Variants in DCTN5 observed in about 807,000 individuals in gnomAD.
DCTN5 encodes the protein dynactin subunit 5.
DCTN5 carries 14 observed loss-of-function variants against 23.5 expected under a neutral mutation model. The ratio of observed to expected loss-of-function variants is 0.60; its 90% confidence interval spans 0.39 to 0.93. DCTN5 has a LOEUF of 0.93. Among genes scored for constraint, DCTN5 ranks in the 40% least tolerant of loss-of-function variants. The probability of loss-of-function intolerance (pLI) is 0.00; values close to 1 mark genes in which losing one functional copy is unlikely to be tolerated. For missense variants in DCTN5, 156 were observed against 225.9 expected (o/e 0.69, Z 1.98); for synonymous variants, 67 against 79.6 (o/e 0.84, Z 0.84).
At chr16:23,660,739 A>G (rs989334618) in intron 3 of DCTN5, among the ~76,000 whole-genome samples, 1 of 152,196 alleles carries the variant, frequency 6.6e-6, no homozygotes, top group Admixed American at 6.5e-5. Flanking sequence ...CACTCACTGA[A>G]GTCTGTGAAT....
intron 2 of DCTN5, among the ~76,000 whole-genome samples, chr16:23,647,529 G>A (rs1180542608): frequency 6.6e-6 from 1 of 151,338 alleles, no homozygotes; most frequent in Non-Finnish European, 1.5e-5. Context: ...GGGGGAGGGG[G>A]ATGGAGTATT....
At position 23,668,392 on chromosome 16, in the gene DCTN5, A is replaced by T. The variant is rs566527438; in HGVS notation, c.*1248A>T. On this transcript the variant is annotated 3_prime_UTR_variant, in exon 6 of 6. Transcript: ENST00000300087. ...AACTCCTTTCTAGTTTGTTATTTTTAAAATGTTTATACATAAAACCACCAA... is the reference window on the plus strand; with the variant it reads ...AACTCCTTTCTAGTTTGTTATTTTTTAAATGTTTATACATAAAACCACCAA... 2 of 152,336 alleles carry T rather than the reference A, an allele frequency of 1.3e-5. No homozygotes were observed. Among genetic ancestry groups the T allele is most frequent in the Non-Finnish European group, 1.5e-5 (1 of 68,032 alleles). The allele number at this position is 152,336 out of a possible 1,614,324, so 9.4% of individuals were successfully genotyped here. A position where few individuals can be genotyped will look rare whatever the true frequency, so the allele number is the denominator to read the frequency against.
chr16:23,641,672 AC>A, intron 1 of DCTN5, 82 bp downstream of exon 1: 1 of 1,373,606 alleles, frequency 7.3e-7, no homozygotes, highest in Non-Finnish European at 1.0e-6. Flanking sequence ...ACCTGCCCCT[AC>A]CCCACCAACC....
intron 4 of DCTN5, among the ~76,000 whole-genome samples, chr16:23,665,112 C>T (rs1397263892): frequency 6.6e-6 from 1 of 152,196 alleles, no homozygotes; most frequent in Non-Finnish European, 1.5e-5. Flanking sequence ...GTGCTGCTTT[C>T]CCCAGTAGTC....
At chr16:23,662,643 A>G (rs928916109) in intron 4 of DCTN5, among the ~76,000 whole-genome samples, 1 of 152,244 alleles carries the variant, frequency 6.6e-6, no homozygotes, top group Non-Finnish European at 1.5e-5. Flanking sequence ...CAAACAGTTC[A>G]CATTCCAGGA....
intron 1 of DCTN5, chr16:23,642,657 A>ATT: frequency 1.6e-5 from 4 of 246,242 alleles, no homozygotes; most frequent in Admixed American, 5.3e-5. Flanking sequence ...TAATTAAAAA[A>ATT]TTTTTTTTTT....
At chr16:23,650,036 C>T (rs1967566443) in intron 2 of DCTN5, among the ~76,000 whole-genome samples, 1 of 151,540 alleles carries the variant, frequency 6.6e-6, no homozygotes, top group Non-Finnish European at 1.5e-5. Context: ...TTTCTAGGTT[C>T]TATTCTGTTC....
chr16:23,643,022 AGGTAAGG>A lies in DCTN5; in HGVS notation c.117+1_117+7del. 1 of 1,614,106 alleles carries A rather than the reference AGGTAAGG, an allele frequency of 6.2e-7. No homozygotes were observed. The highest frequency in any genetic ancestry group is 8.5e-7 in the Non-Finnish European group (1 of 1,179,920). ...AGCCAGAACATCGTTCTCAATGGCA[AGGTAAGG>A]GACAAAGCCAGCTCCAGGCTGCAAA... is the stretch of plus-strand genomic sequence containing the variant. On this transcript the variant is annotated splice_donor_variant and splice_donor_5th_base_variant and coding_sequence_variant and intron_variant, in exon 2 of 6. Coordinates refer to ENST00000300087, the MANE Select transcript of DCTN5 (RefSeq NM_032486.4). LOFTEE classifies it high-confidence loss of function.
At chr16:23,648,857 TTTTG>T (rs34806586) in intron 2 of DCTN5, among the ~76,000 whole-genome samples, 5 of 151,452 alleles carry the variant, frequency 3.3e-5, no homozygotes, top group African/African-American at 9.7e-5. Flanking sequence ...ATTAGTGATT[TTTTG>T]TTTGTTTGTT....
Position 23,677,033 on chromosome 16 carries a change from T to C in DCTN5, c.*9889T>C, listed in dbSNP as rs867329812. ...GAGTCTGTAATGAGCTTCCCTTGTA[T>C]ACAACATTGCACATGGGTTGTCACA... On this transcript the variant is annotated 3_prime_UTR_variant, in exon 6 of 6. Transcript: ENST00000300087. 1 of 152,428 alleles carries C rather than the reference T, an allele frequency of 6.6e-6. No individual in the cohort carries two copies. The highest frequency in any genetic ancestry group is 1.5e-5 in the Non-Finnish European group (1 of 68,082). The allele number at this position is 152,428 out of a possible 1,614,324, so 9.4% of individuals were successfully genotyped here.
chr16:23,654,872 T>C (rs1175071004), intron 2 of DCTN5, among the ~76,000 whole-genome samples: 1 of 152,198 alleles, frequency 6.6e-6, no homozygotes, highest in Non-Finnish European at 1.5e-5. Flanking sequence ...TGTGCTTGGC[T>C]TATTTCATTT....
Position 23,674,057 on chromosome 16 carries a change from G to A in DCTN5, c.*6913G>A, listed in dbSNP as rs1228722542. The A allele has an allele frequency of 1.3e-5, 2 of 152,144 alleles. No individual in the cohort carries two copies. The highest frequency in any genetic ancestry group is 4.8e-5 in the African/African-American group (2 of 41,430). 9.4% of individuals were successfully genotyped at this position (152,144 alleles called of 1,614,324 possible). A position where few individuals can be genotyped will look rare whatever the true frequency, so the allele number is the denominator to read the frequency against. On this transcript the variant is annotated 3_prime_UTR_variant, in exon 6 of 6. Transcript: ENST00000300087. ...ATGCCTTCACTGCTGCTGAAGAAAA[G>A]CAGCTGCTTGTTGAGAATCTCAAAT...
chr16:23,641,664 C>T, intron 1 of DCTN5, 74 bp downstream of exon 1: 1 of 1,494,334 alleles, frequency 6.7e-7, no homozygotes, highest in Non-Finnish European at 9.3e-7. Flanking sequence ...CGTTCCCAAC[C>T]TGCCCCTACC....
At position 23,667,033 on chromosome 16, in the gene DCTN5, C is replaced by G. The variant is rs375808901; in HGVS notation, c.452-14C>G. The stretch of plus-strand genomic sequence containing the variant: ...TTCTTCAAGCTCCTTAGAGCTGGGT[C>G]TTTCTTTCCCCAGGACTCTTCTCAG... On this transcript the variant is annotated splice_polypyrimidine_tract_variant and intron_variant, in intron 5 of 5. Transcript: ENST00000300087. 6.2e-7 allele frequency: 1 copy of G among 1,613,672 alleles called. No homozygotes were observed. Among genetic ancestry groups the G allele is most frequent in the East Asian group, 2.2e-5 (1 of 44,868 alleles).
In DCTN5 at chr16:23,641,512, G is replaced by C. The variant is rs778113206; in HGVS notation, c.-31G>C. 8 of 1,613,866 alleles carry C rather than the reference G, an allele frequency of 5.0e-6. No homozygotes were observed. In the South Asian group the frequency reaches 8.8e-5, roughly 18 times the overall value. ...AAGACTGACCGACTGACTCTGACAG[G>C]ATCCGGGGCTGAGGGAAGGAGGCGG... On this transcript the variant is annotated 5_prime_UTR_variant, in exon 1 of 6. Coordinates refer to ENST00000300087, the MANE Select transcript of DCTN5 (RefSeq NM_032486.4).
Position 23,676,952 on chromosome 16 carries a change from C to T in DCTN5, c.*9808C>T, listed in dbSNP as rs571861427. On this transcript the variant is annotated 3_prime_UTR_variant, in exon 6 of 6. Coordinates refer to ENST00000300087, the MANE Select transcript of DCTN5 (RefSeq NM_032486.4). Reference sequence around the variant, plus strand: ...GCTTTCCTTCTGGGAGTCAGATTTTCATATGTGTTAGGCAGAGGATGAGGT... The same window carrying T: ...GCTTTCCTTCTGGGAGTCAGATTTTTATATGTGTTAGGCAGAGGATGAGGT... 3 of 152,348 alleles carry T rather than the reference C, an allele frequency of 2.0e-5. No individual in the cohort carries two copies. The highest frequency in any genetic ancestry group is 6.5e-5 in the Admixed American group (1 of 15,298). The allele number at this position is 152,348 out of a possible 1,614,324, so 9.4% of individuals were successfully genotyped here. A position where few individuals can be genotyped will look rare whatever the true frequency, so the allele number is the denominator to read the frequency against.
At chr16:23,643,092 G>A (rs951716780) in intron 2 of DCTN5, 69 bp downstream of exon 2, 31 of 1,322,490 alleles carry the variant, frequency 2.3e-5, no homozygotes, top group Middle Eastern at 4.0e-4. Context: ...CCACAGCAGG[G>A]CAGATAAAAT....
intron 1 of DCTN5, 75 bp downstream of exon 1, chr16:23,641,665 T>G: frequency 6.7e-7 from 1 of 1,492,458 alleles, no homozygotes; most frequent in Non-Finnish European, 9.3e-7. Flanking sequence ...GTTCCCAACC[T>G]GCCCCTACCC....
chr16:23,651,005 T>G (rs1967593971), intron 2 of DCTN5: 2 of 1,411,308 alleles, frequency 1.4e-6, no homozygotes, highest in Non-Finnish European at 1.8e-6. Flanking sequence ...AATCTCACTT[T>G]TTAAAATGCA....
Sources: gnomAD v4.1 joint callset for allele counts (sites outside exome capture counted in the v4.1 genomes callset) on GRCh38, gnomAD v4.1.1 for gene constraint, MANE v1.5 for transcripts, NCBI Gene and HGNC (gene_info 2026-07-23, HGNC 2026-07-21) for gene names.